The following DYSF variants were observed in gnomAD, a reference collection of about 807,000 sequenced individuals.
The protein encoded by DYSF is dystrophy-associated fer-1-like 1.
In DYSF, 212 loss-of-function variants were observed where a neutral mutation model predicts 274.9. That is an observed-to-expected ratio of 0.77 (90% CI 0.69 to 0.86). The LOEUF (loss-of-function observed/expected upper bound fraction) is 0.86. DYSF is among the 40% of genes least tolerant of loss of function. DYSF has a pLI of 0.00. For missense variants in DYSF, 2,666 were observed against 2,783.2 expected (o/e 0.96, Z 0.95); for synonymous variants, 1,091 against 1,078.7 (o/e 1.01, Z -0.22).
At chr2:71,542,508 G>A (rs902739116) in intron 17 of DYSF, among the ~76,000 whole-genome samples, 1 of 152,100 alleles carries the variant, frequency 6.6e-6, no homozygotes, top group Non-Finnish European at 1.5e-5. Flanking sequence ...TTCCTAGGCA[G>A]AGGACCCTGG....
chr2:71,635,350 C>A (rs2094382739), intron 41 of DYSF, among the ~76,000 whole-genome samples: 1 of 152,238 alleles, frequency 6.6e-6, no homozygotes, highest in African/African-American at 2.4e-5. Flanking sequence ...CCCCTCTTTC[C>A]CCACATTCTG....
At chr2:71,534,737 T>C (rs2089131237) in intron 14 of DYSF, among the ~76,000 whole-genome samples, 1 of 152,144 alleles carries the variant, frequency 6.6e-6, no homozygotes, top group Non-Finnish European at 1.5e-5. Context: ...AGAGGGATTT[T>C]CAGCCAGAGG....
chr2:71,484,950 G>A (rs1309537035), intron 3 of DYSF, among the ~76,000 whole-genome samples: 2 of 152,128 alleles, frequency 1.3e-5, no homozygotes, highest in African/African-American at 4.8e-5. Context: ...AGCTCCTGGG[G>A]GCAGCTAGCT....
chr2:71,534,962 G>A (rs184773309), intron 14 of DYSF, 59 bp from the exon 15 acceptor site: 16,413 of 1,577,606 alleles, frequency 0.01, 113 homozygotes, highest in Non-Finnish European at 0.012. Flanking sequence ...ATGTGGCCCC[G>A]GGGGAGCCCA....
intron 41 of DYSF, among the ~76,000 whole-genome samples, chr2:71,634,487 G>A (rs540664773): frequency 2.5e-4 from 38 of 152,256 alleles, no homozygotes; most frequent in Non-Finnish European, 4.1e-4. Context: ...TGGACTTCCC[G>A]GGGAAGAGAA....
chr2:71,620,211 G>A (rs1383247451), intron 40 of DYSF, among the ~76,000 whole-genome samples: 1 of 152,204 alleles, frequency 6.6e-6, no homozygotes, highest in Non-Finnish European at 1.5e-5. Context: ...GAGAGAGTGG[G>A]CAAGAGTCAG....
chr2:71,686,428 G>T (rs763948953), intron 55 of DYSF, 26 bp from the exon 56 acceptor site: 1 of 1,613,748 alleles, frequency 6.2e-7, no homozygotes, highest in East Asian at 2.2e-5. Flanking sequence ...GATCACCATG[G>T]GTCCCTGTCT....
intron 24 of DYSF, among the ~76,000 whole-genome samples, chr2:71,567,491 A>T (rs971967572): frequency 6.6e-6 from 1 of 152,254 alleles, no homozygotes; most frequent in Non-Finnish European, 1.5e-5. Flanking sequence ...TTATCTCCGC[A>T]GTCATACTGG....
chr2:71,503,308 C>T lies in DYSF; in HGVS notation c.334C>T (p.Gln112Ter), dbSNP rs746315830. 6.2e-7 allele frequency: 1 copy of T among 1,614,158 alleles called. No homozygotes were observed. Among genetic ancestry groups the T allele is most frequent in the Non-Finnish European group, 8.5e-7 (1 of 1,179,978 alleles). Residue 112 changes from glutamine (Q) to a stop codon, truncating the protein, a stop_gained, in exon 4 of 56, where the codon CAG (glutamine) becomes TAG (stop). Transcript: ENST00000410020. LOFTEE classifies it high-confidence loss of function. The part of the protein sequence containing the change: ...FNAPLLDTKK[Q>*]PTGASLVLQV... ...TGCCCCCCTGCTGGACACCAAGAAG[C>T]AGCCCACAGGGGTAAGTGCCCATCA...
intron 32 of DYSF, among the ~76,000 whole-genome samples, chr2:71,593,188 A>G (rs1007202907): frequency 1.5e-5 from 2 of 137,192 alleles, no homozygotes; most frequent in Non-Finnish European, 3.0e-5. Flanking sequence ...GCTGGAGTGC[A>G]ATGGCGCTAT....
Position 71,535,329 on chromosome 2 carries a change from G to A in DYSF, c.1493+18G>A, listed in dbSNP as rs2089210891. The A allele has an allele frequency of 6.2e-7, 1 of 1,613,730 alleles. No homozygotes were observed. Among genetic ancestry groups the A allele is most frequent in the Non-Finnish European group, 8.5e-7 (1 of 1,179,756 alleles). On this transcript the variant is annotated intron_variant, in intron 16 of 55. Coordinates refer to ENST00000410020, the MANE Select transcript of DYSF (RefSeq NM_001130987.2). Reference sequence around the variant, plus strand: ...ATAGACTGGTGAGTTCTGAGTCTTGGAGTCTTTAGGGCGGGCTGTCCTGAG... The same window carrying A: ...ATAGACTGGTGAGTTCTGAGTCTTGAAGTCTTTAGGGCGGGCTGTCCTGAG...
chr2:71,645,504 C>T (rs558598933), intron 42 of DYSF, among the ~76,000 whole-genome samples: 60 of 151,734 alleles, frequency 4.0e-4, no homozygotes, highest in African/African-American at 1.4e-3. Context: ...GTGTTCCTCT[C>T]GATGTCCAGC....
intron 51 of DYSF, among the ~76,000 whole-genome samples, chr2:71,672,591 C>G (rs776919527): frequency 1.3e-3 from 192 of 152,294 alleles, no homozygotes; most frequent in Admixed American, 2.5e-3. Flanking sequence ...GTAAAAGCGC[C>G]CAGGCCAGGA....
At chr2:71,653,529 A>G (rs1294643376) in intron 42 of DYSF, among the ~76,000 whole-genome samples, 1 of 152,034 alleles carries the variant, frequency 6.6e-6, no homozygotes, top group Admixed American at 6.6e-5. Context: ...ATGAAGCTGG[A>G]AACCATCATT....
At chr2:71,496,330 C>G (rs891293225) in intron 3 of DYSF, among the ~76,000 whole-genome samples, 1 of 152,062 alleles carries the variant, frequency 6.6e-6, no homozygotes, top group Non-Finnish European at 1.5e-5. Context: ...CCACGCTGTG[C>G]AGGGCCACAC....
intron 22 of DYSF, 116 bp downstream of exon 22, chr2:71,556,187 C>T (rs1018404678): frequency 8.2e-5 from 70 of 852,828 alleles, no homozygotes; most frequent in Non-Finnish European, 1.2e-4. Flanking sequence ...CACGCTTGGC[C>T]AGCAGTCCAG....
intron 51 of DYSF, among the ~76,000 whole-genome samples, chr2:71,670,863 C>G (rs2095107244): frequency 6.6e-6 from 1 of 152,092 alleles, no homozygotes; most frequent in African/African-American, 2.4e-5. Flanking sequence ...CCATCCTTGT[C>G]CCACCCGGCA....
At position 71,611,333 on chromosome 2, in the gene DYSF, G is replaced by A. The variant is rs61742872; in HGVS notation, c.4046G>A (p.Arg1349His). 66 of 1,613,756 alleles carry A rather than the reference G, an allele frequency of 4.1e-5. No homozygotes were observed. Among genetic ancestry groups the A allele is most frequent in the East Asian group, 1.8e-4 (8 of 44,880 alleles). ...CAGAACATCAAGCCAGCGCTCCAGC[G>A]TACCGCCATCGAGGTGAGCCGTCCG... Reference protein sequence around the residue: ...VPQNIKPALQRTAIEILAWGL... With the variant: ...VPQNIKPALQHTAIEILAWGL... Residue 1349 changes from arginine (R) to histidine (H), a missense_variant, in exon 37 of 56, where the codon CGT (arginine) becomes CAT (histidine). Arg to His is a conservative substitution (Grantham distance 29, BLOSUM62 0). Transcript: ENST00000410020.
At chr2:71,624,557 CT>C (rs2094171964) in intron 41 of DYSF, among the ~76,000 whole-genome samples, 1 of 152,068 alleles carries the variant, frequency 6.6e-6, no homozygotes, top group South Asian at 2.1e-4. Flanking sequence ...ACCAGAGCCA[CT>C]GTTTATGAAC....
Sources: allele counts gnomAD v4.1 joint callset (sites outside exome capture counted in the v4.1 genomes callset), GRCh38; gene constraint gnomAD v4.1.1; transcripts MANE v1.5; gene names NCBI Gene and HGNC (gene_info 2026-07-23, HGNC 2026-07-21).